Variants in FAM167A observed in about 807,000 individuals in gnomAD.
FAM167A encodes the protein family with sequence similarity 167 member A, also known as protein FAM167A.
FAM167A carries 23 observed loss-of-function variants against 14.9 expected under a neutral mutation model. The ratio of observed to expected loss-of-function variants is 1.55; its 90% CI spans 1.11 to 2.19. The LOEUF (loss-of-function observed/expected upper bound fraction) is 2.19, where lower values mean the gene tolerates loss of function less well. Ranked by LOEUF, FAM167A falls within the 30% of genes most tolerant of loss-of-function variation. The pLI is 0.00. For synonymous variants in FAM167A, 174 were observed against 117.7 expected (o/e 1.48, Z -3.10); for missense variants, 401 against 281.5 (o/e 1.42, Z -3.04).
chr8:11,441,379 T>G (rs1403540140), intron 2 of FAM167A, among the ~76,000 whole-genome samples: 1 of 152,226 alleles, frequency 6.6e-6, no homozygotes, highest in Non-Finnish European at 1.5e-5. Flanking sequence ...TTAGAGCTTG[T>G]TGGAAATTCG....
intron 2 of FAM167A, among the ~76,000 whole-genome samples, chr8:11,433,713 C>G (rs752522240): frequency 4.6e-5 from 7 of 152,146 alleles, no homozygotes; most frequent in Admixed American, 4.6e-4. Flanking sequence ...GCTCTTATCT[C>G]TCCTATCCCA....
intron 2 of FAM167A, among the ~76,000 whole-genome samples, chr8:11,432,720 C>G (rs1805698964): frequency 6.6e-6 from 1 of 152,206 alleles, no homozygotes; most frequent in Admixed American, 6.5e-5. Flanking sequence ...TGGGCATATA[C>G]TGAAAGGATT....
At chr8:11,446,525 G>T (rs901294011) in intron 1 of FAM167A, 33 of 152,166 alleles carry the variant, frequency 2.2e-4, no homozygotes, top group African/African-American at 8.0e-4. Context: ...GTGCAGCCGG[G>T]GTGGAGAACC....
intron 1 of FAM167A, among the ~76,000 whole-genome samples, chr8:11,454,998 C>T (rs986214888): frequency 8.5e-5 from 13 of 152,242 alleles, no homozygotes; most frequent in Non-Finnish European, 1.6e-4. Flanking sequence ...CATCTCTTGC[C>T]TTTCCAGCCT....
chr8:11,424,668 A>G (rs757296081), intron 2 of FAM167A, 32 bp from the exon 3 acceptor site: 387 of 1,609,420 alleles, frequency 2.4e-4, no homozygotes, highest in Non-Finnish European at 3.1e-4. Flanking sequence ...CAGGGTCAGC[A>G]GAGAGTGGCT....
At chr8:11,445,256 C>A (rs573947034) in intron 1 of FAM167A, 3 of 985,538 alleles carry the variant, frequency 3.0e-6, no homozygotes, top group Non-Finnish European at 3.6e-6. Context: ...AGCCAGCCAG[C>A]AGGGAAACCG....
At chr8:11,459,092 A>G (rs1807440632) in intron 1 of FAM167A, among the ~76,000 whole-genome samples, 1 of 152,232 alleles carries the variant, frequency 6.6e-6, no homozygotes, top group African/African-American at 2.4e-5. Flanking sequence ...CCATTTCTCT[A>G]TTTCTCATTT....
At position 11,421,615 on chromosome 8, in the gene FAM167A, G is replaced by A; in HGVS notation, c.*2758C>T. On this transcript the variant is annotated 3_prime_UTR_variant, in exon 3 of 3. Coordinates refer to ENST00000284486, the MANE Select transcript of FAM167A (RefSeq NM_053279.3). ...TAATAGCACTTGGTATTGCTACAGG[G>A]TGTGGGTCTTGAACTCGGTCAGGCA... 5.0e-6 allele frequency: 2 copies of A among 398,408 alleles called. No individual in the cohort carries two copies. The highest frequency in any genetic ancestry group is 8.8e-6 in the Non-Finnish European group (2 of 226,038). The allele number at this position is 398,408 out of a possible 1,614,324, so 24.7% of individuals were successfully genotyped here.
In FAM167A at chr8:11,446,167, G is replaced by T. The variant is rs544072089; in HGVS notation, c.-397-1359C>A. ...GCTGAACAGGCAGCAGGACCACCTC[G>T]CGGTGTCCTGGGATTCCTCTCCGAC... On this transcript the variant is annotated intron_variant, in intron 1 of 2. Transcript: ENST00000284486. 3.9e-5 allele frequency among the ~76,000 whole-genome samples: 6 copies of T among 152,260 alleles called. No homozygotes were observed. In the South Asian group the frequency reaches 1.2e-3, roughly 32 times the overall value.
chr8:11,458,609 G>C (rs1268410851), intron 1 of FAM167A, among the ~76,000 whole-genome samples: 1 of 152,084 alleles, frequency 6.6e-6, no homozygotes, highest in Non-Finnish European at 1.5e-5. Context: ...TGTGCAATGG[G>C]CCACAAAAGA....
At chr8:11,435,381 A>G (rs73663140) in intron 2 of FAM167A, among the ~76,000 whole-genome samples, 2,749 of 152,344 alleles carry the variant, frequency 0.018, 77 homozygotes, top group African/African-American at 0.062. Context: ...CTAGATGACA[A>G]AACACCAGAG....
rs75750566 is a variant in FAM167A, at chr8:11,473,233, G to T, written c.-398+2633C>A. On this transcript the variant is annotated intron_variant, in intron 1 of 1. Transcript: ENST00000648766. ...ATTTCATCTCCATCGGCCAATCCCT[G>T]ATGATACCTTGAGAAACCAAGGTGC... 5.6e-3 allele frequency among the ~76,000 whole-genome samples: 856 copies of T among 152,312 alleles called. 6 individuals are homozygous for T. Among genetic ancestry groups the T allele is most frequent in the African/African-American group, 0.02 (839 of 41,554 alleles).
In FAM167A at chr8:11,452,484, G is replaced by A. The variant is rs535797744; in HGVS notation, c.-397-7676C>T. Among the ~76,000 whole-genome samples, 3 of 152,300 alleles carry A rather than the reference G, an allele frequency of 2.0e-5. No individual in the cohort carries two copies. In the East Asian group the frequency reaches 5.8e-4, roughly 29 times the overall value. The stretch of plus-strand genomic sequence containing the variant: ...GACTGTGACAGTCCCCAGAGGGAGA[G>A]GGGGTGAGCAGAGGCAGAAAGAGCA... On this transcript the variant is annotated intron_variant, in intron 1 of 2. Coordinates refer to ENST00000284486, the MANE Select transcript of FAM167A (RefSeq NM_053279.3).
intron 2 of FAM167A, chr8:11,438,197 G>T (rs765061555): frequency 2.2e-6 from 1 of 451,902 alleles, no homozygotes; most frequent in Non-Finnish European, 4.5e-6. Flanking sequence ...GAATCGCCAT[G>T]AGCTGCTATT....
intron 1 of FAM167A, among the ~76,000 whole-genome samples, chr8:11,458,799 A>G (rs79396650): frequency 0.025 from 3,863 of 152,072 alleles, 164 homozygotes; most frequent in African/African-American, 0.089. Context: ...AAAAAAACAG[A>G]AAGAGAGAGA....
chr8:11,452,310 G>A (rs572482513), intron 1 of FAM167A, among the ~76,000 whole-genome samples: 11 of 152,338 alleles, frequency 7.2e-5, no homozygotes, highest in South Asian at 4.1e-4. Context: ...CAGAAACGCC[G>A]CCCATGGTTC....
intron 1 of FAM167A, among the ~76,000 whole-genome samples, chr8:11,460,809 C>T (rs890035951): frequency 1.4e-4 from 22 of 152,194 alleles, no homozygotes; most frequent in African/African-American, 5.1e-4. Context: ...CTTCTGACTC[C>T]GAGTTGAACC....
At chr8:11,458,016 G>T (rs1156992551) in intron 1 of FAM167A, among the ~76,000 whole-genome samples, 1 of 152,230 alleles carries the variant, frequency 6.6e-6, no homozygotes, top group African/African-American at 2.4e-5. Flanking sequence ...TGATGACGCT[G>T]ATGCGGTGAA....
intron 2 of FAM167A, among the ~76,000 whole-genome samples, chr8:11,424,977 C>G (rs1489682062): frequency 1.3e-5 from 2 of 152,098 alleles, no homozygotes; most frequent in African/African-American, 4.8e-5. Flanking sequence ...CATAGGGTAA[C>G]AGCTATCAAA....
Sources: allele counts gnomAD v4.1 joint callset (sites outside exome capture counted in the v4.1 genomes callset), GRCh38; gene constraint gnomAD v4.1.1; transcripts MANE v1.5; gene names NCBI Gene and HGNC (gene_info 2026-07-23, HGNC 2026-07-21).